The following SLC25A26 variants were observed in gnomAD, a reference collection of about 807,000 sequenced individuals.
The protein encoded by SLC25A26 is mitochondrial S-adenosylmethionine carrier protein.
SLC25A26 carries 36 observed loss-of-function variants against 37.8 expected under a neutral mutation model. That is an observed-to-expected ratio of 0.95 (90% CI 0.73 to 1.26). The LOEUF is 1.26. SLC25A26 is among the 50% of genes most tolerant of loss of function. The pLI is 0.00. For synonymous variants in SLC25A26, 129 were observed against 122.5 expected (o/e 1.05, Z -0.35); for missense variants, 390 against 331.1 (o/e 1.18, Z -1.38).
chr3:66,244,235 CAAAG>C (rs2072720513), intron 3 of SLC25A26, among the ~76,000 whole-genome samples: 2 of 152,082 alleles, frequency 1.3e-5, no homozygotes, highest in South Asian at 2.1e-4. Flanking sequence ...AGGCAAAAAA[CAAAG>C]AGACCAGTGC....
At chr3:66,340,402 G>A (rs1381476206) in intron 5 of SLC25A26, among the ~76,000 whole-genome samples, 3 of 152,040 alleles carry the variant, frequency 2.0e-5, no homozygotes, top group Admixed American at 2.0e-4. Flanking sequence ...ATGAGCAGAA[G>A]TTTTAAAATT....
At chr3:66,178,221 G>A in intron 1 of SLC25A26, among the ~76,000 whole-genome samples, 1 of 149,240 alleles carries the variant, frequency 6.7e-6, no homozygotes, top group South Asian at 2.1e-4. Flanking sequence ...TGGCCCAACA[G>A]TTCTAGGTGG....
intron 1 of SLC25A26, among the ~76,000 whole-genome samples, chr3:66,188,841 A>G (rs1024200223): frequency 0.45 from 67,790 of 151,260 alleles, 15,514 homozygotes; most frequent in East Asian, 0.61. Context: ...AATCAACCTG[A>G]CCAGACCCTG....
At chr3:66,149,695 A>G (rs1411566585) in intron 1 of SLC25A26, among the ~76,000 whole-genome samples, 2 of 152,234 alleles carry the variant, frequency 1.3e-5, no homozygotes, top group African/African-American at 4.8e-5. Flanking sequence ...CTAAATTGTC[A>G]TTCAAATCAA....
chr3:66,283,234 C>T (rs2107460910), intron 5 of SLC25A26, among the ~76,000 whole-genome samples: 1 of 152,168 alleles, frequency 6.6e-6, no homozygotes, highest in East Asian at 1.9e-4. Context: ...TTTGCTGGGC[C>T]ATGTGGTGAG....
chr3:66,338,912 T>A (rs2076147912), intron 5 of SLC25A26, among the ~76,000 whole-genome samples: 1 of 152,046 alleles, frequency 6.6e-6, no homozygotes, highest in Non-Finnish European at 1.5e-5. Context: ...CGGAACTTTA[T>A]TCCTTTTTAT....
At chr3:66,309,926 G>A (rs865853727) in intron 5 of SLC25A26, among the ~76,000 whole-genome samples, 29 of 152,124 alleles carry the variant, frequency 1.9e-4, no homozygotes, top group African/African-American at 6.3e-4. Flanking sequence ...CATTTATGTG[G>A]TCGATTTTAG....
chr3:66,294,462 G>C (rs970715760), intron 5 of SLC25A26, among the ~76,000 whole-genome samples: 2 of 152,114 alleles, frequency 1.3e-5, no homozygotes, highest in African/African-American at 4.8e-5. Flanking sequence ...GTCATTTACT[G>C]AGTTTTTAAC....
chr3:66,277,032 A>G (rs1287941646), intron 5 of SLC25A26, among the ~76,000 whole-genome samples: 1 of 151,894 alleles, frequency 6.6e-6, no homozygotes, highest in Admixed American at 6.6e-5. Context: ...AGATACCTGA[A>G]TGGATAAATT....
At chr3:66,242,959 G>T (rs184557953) in intron 2 of SLC25A26, among the ~76,000 whole-genome samples, 1 of 152,292 alleles carries the variant, frequency 6.6e-6, no homozygotes, top group East Asian at 1.9e-4. Flanking sequence ...TGCTAGATTA[G>T]CACTTGTGCT....
chr3:66,238,373 TTTA>T (rs528899172), intron 2 of SLC25A26, among the ~76,000 whole-genome samples: 3 of 151,988 alleles, frequency 2.0e-5, no homozygotes, highest in East Asian at 1.9e-4. Flanking sequence ...GTTTATGTGT[TTTA>T]TTATTATTAT....
rs2071256377 is a variant in SLC25A26 at position 66,209,898 on chromosome 3, T to TATATATTTATATATATA, written c.-353-10844_-353-10843insATATATTTATATATATA. ...TATACTCCTCTCTCTCTCTCTCTAT[T>TATATATTTATATATATA]TATATATATATATATATATATATAT... On this transcript the variant is annotated intron_variant, in intron 1 of 10. Coordinates refer to the SLC25A26 transcript ENST00000676754. Among the ~76,000 whole-genome samples the TATATATTTATATATATA allele has an allele frequency of 1.0e-4, 4 of 38,614 alleles. 1 individual carries two copies. Among genetic ancestry groups the TATATATTTATATATATA allele is most frequent in the African/African-American group, 3.5e-4 (4 of 11,374 alleles). The allele number at this position is 38,614 out of a possible 152,430, so 25.3% of individuals were successfully genotyped here. A position where few individuals can be genotyped will look rare whatever the true frequency, so the allele number is the denominator to read the frequency against.
At chr3:66,147,241 G>A (rs540583649) in intron 1 of SLC25A26, among the ~76,000 whole-genome samples, 2 of 150,554 alleles carry the variant, frequency 1.3e-5, no homozygotes, top group South Asian at 2.1e-4. Flanking sequence ...TCAGCTCACT[G>A]CAACCTCAAC....
chr3:66,175,179 C>T (rs1284430935), intron 1 of SLC25A26, among the ~76,000 whole-genome samples: 9 of 144,868 alleles, frequency 6.2e-5, no homozygotes, highest in Non-Finnish European at 9.0e-5. Context: ...TATATATACA[C>T]ATACATATAT....
chr3:66,225,618 A>C (rs2071708767), intron 1 of SLC25A26, among the ~76,000 whole-genome samples: 1 of 152,138 alleles, frequency 6.6e-6, no homozygotes, highest in African/African-American at 2.4e-5. Flanking sequence ...TATTTATGCA[A>C]ATTTCTGCAG....
chr3:66,218,104 T>C (rs2071388278), upstream of SLC25A26, among the ~76,000 whole-genome samples: 2 of 57,274 alleles, frequency 3.5e-5, no homozygotes, highest in African/African-American at 8.0e-5. Context: ...ACAATACATG[T>C]GGTCTTTTTT....
intron 5 of SLC25A26, among the ~76,000 whole-genome samples, chr3:66,278,582 A>C (rs1172964129): frequency 6.6e-6 from 1 of 152,194 alleles, no homozygotes; most frequent in Non-Finnish European, 1.5e-5. Context: ...AGATGTGATT[A>C]AGCTCACATT....
At chr3:66,345,727 G>C (rs549417589) in intron 5 of SLC25A26, among the ~76,000 whole-genome samples, 91 of 151,898 alleles carry the variant, frequency 6.0e-4, no homozygotes, top group Non-Finnish European at 1.1e-3. Context: ...TCCTAACACT[G>C]CCTGCTAAGG....
intron 1 of SLC25A26, among the ~76,000 whole-genome samples, chr3:66,144,956 C>T (rs973240590): frequency 6.6e-6 from 1 of 152,128 alleles, no homozygotes; most frequent in Non-Finnish European, 1.5e-5. Context: ...AGGAAGGCCA[C>T]GCCAAAGAAG....
Sources: gnomAD v4.1 joint callset for allele counts (sites outside exome capture counted in the v4.1 genomes callset) on GRCh38, gnomAD v4.1.1 for gene constraint, MANE v1.5 for transcripts, NCBI Gene and HGNC (gene_info 2026-07-23, HGNC 2026-07-21) for gene names.